PTPN13: variants seen among roughly 807,000 people sequenced by gnomAD.
PTPN13 encodes protein tyrosine phosphatase non-receptor type 13, also known as tyrosine-protein phosphatase non-receptor type 13.
PTPN13 carries 191 observed loss-of-function variants against 284.0 expected under a neutral mutation model. The ratio of observed to expected loss-of-function variants is 0.67; its 90% CI spans 0.60 to 0.76. The LOEUF is 0.76. PTPN13 is among the 30% of genes least tolerant of loss of function. The pLI is 0.00. For missense variants in PTPN13, 2,797 were observed against 2,939.9 expected, an observed-to-expected ratio of 0.95 and a Z score of 1.12; for synonymous variants, 986 against 1,022.3, an observed-to-expected ratio of 0.96 and a Z score of 0.68.
intron 40 of PTPN13, among the ~76,000 whole-genome samples, chr4:86,789,109 A>G (rs992643878): frequency 6.6e-6 from 1 of 152,240 alleles, no homozygotes; most frequent in African/African-American, 2.4e-5. Flanking sequence ...CGAGTAGGGT[A>G]TCACAGGGTG....
intron 41 of PTPN13, among the ~76,000 whole-genome samples, chr4:86,798,612 A>G (rs939899797): frequency 1.3e-5 from 2 of 152,168 alleles, no homozygotes; most frequent in African/African-American, 4.8e-5. Context: ...AAATATTGAG[A>G]ACTTGTACTG....
At chr4:86,805,470 G>A (rs530791621) in intron 44 of PTPN13, 101 bp downstream of exon 44, 2 of 535,918 alleles carry the variant, frequency 3.7e-6, no homozygotes, top group South Asian at 7.8e-5. Flanking sequence ...ATAACCGTGT[G>A]CATGTGCATA....
rs200688335 is a variant in PTPN13, at chr4:86,751,098, A to G, written c.3140A>G (p.Glu1047Gly). The change falls in exon 19 of 48, where the codon GAA becomes GGA. Residue 1047 changes from glutamate to glycine, a missense_variant. Coordinates refer to ENST00000411767, the MANE Select transcript of PTPN13 (RefSeq NM_080683.3). Reference sequence around the variant, plus strand: ...CATGAATCAGACTCCTCATCCATTGAAGACCCTGGGCAAGCATATGTTCTA... The same window carrying G: ...CATGAATCAGACTCCTCATCCATTGGAGACCCTGGGCAAGCATATGTTCTA... ...RKHESDSSSI[E>G]DPGQAYVLGM... 780 of 1,604,552 alleles carry G rather than the reference A, an allele frequency of 4.9e-4. No individual in the cohort carries two copies. The highest frequency in any genetic ancestry group is 5.2e-4 in the Non-Finnish European group (614 of 1,171,682).
At chr4:86,770,672 G>A (rs1411283786) in intron 30 of PTPN13, among the ~76,000 whole-genome samples, 1 of 152,090 alleles carries the variant, frequency 6.6e-6, no homozygotes, top group Non-Finnish European at 1.5e-5. Flanking sequence ...AAACAATTTG[G>A]AAATACTTAA....
chr4:86,679,748 A>G (rs17011985), intron 3 of PTPN13, among the ~76,000 whole-genome samples: 7,607 of 152,262 alleles, frequency 0.05, 262 homozygotes, highest in African/African-American at 0.073. Flanking sequence ...GAGATGGCTG[A>G]ATGAGAGGTA....
chr4:86,660,633 C>T (rs1726379505), intron 2 of PTPN13, among the ~76,000 whole-genome samples: 1 of 152,044 alleles, frequency 6.6e-6, no homozygotes, highest in Non-Finnish European at 1.5e-5. Flanking sequence ...TTAACATGTC[C>T]TTAAGTTAAA....
intron 20 of PTPN13, among the ~76,000 whole-genome samples, chr4:86,757,225 G>A (rs1738085483): frequency 1.3e-5 from 2 of 152,132 alleles, no homozygotes; most frequent in Admixed American, 6.5e-5. Context: ...GTAAATTCTA[G>A]TTCTGATTAT....
intron 35 of PTPN13, among the ~76,000 whole-genome samples, chr4:86,779,893 A>C (rs1486223417): frequency 6.6e-6 from 1 of 152,186 alleles, no homozygotes; most frequent in Non-Finnish European, 1.5e-5. Context: ...ATTTAAAAGA[A>C]AAACACGTAT....
At chr4:86,607,340 T>C (rs772864507) in intron 1 of PTPN13, among the ~76,000 whole-genome samples, 1 of 151,970 alleles carries the variant, frequency 6.6e-6, no homozygotes, top group Non-Finnish European at 1.5e-5. Context: ...TATATACGTG[T>C]ATGCTTATAT....
intron 2 of PTPN13, among the ~76,000 whole-genome samples, chr4:86,639,236 A>C (rs954948524): frequency 1.3e-5 from 2 of 151,942 alleles, no homozygotes; most frequent in Admixed American, 6.6e-5. Context: ...GTGGGACTGT[A>C]AACTAGTTCA....
intron 33 of PTPN13, among the ~76,000 whole-genome samples, chr4:86,774,815 T>A: frequency 6.6e-6 from 1 of 151,882 alleles, no homozygotes; most frequent in East Asian, 1.9e-4. Flanking sequence ...GCTGCACCCA[T>A]TAACTTGTCA....
chr4:86,705,162 C>T (rs931753132), intron 7 of PTPN13, among the ~76,000 whole-genome samples: 6 of 151,796 alleles, frequency 4.0e-5, no homozygotes, highest in East Asian at 1.9e-4. Flanking sequence ...GGTGAAACCC[C>T]ATCTCTACTA....
At chr4:86,613,633 C>CAAAAAAAAAAAAAAAAAAAAAAAAA (rs544971012) in intron 1 of PTPN13, among the ~76,000 whole-genome samples, 4 of 61,530 alleles carry the variant, frequency 6.5e-5, no homozygotes, top group Non-Finnish European at 7.2e-5. Context: ...GACTCCGTCT[C>CAAAAAAAAAAAAAAAAAAAAAAAAA]AAAAAAAAAA....
At position 86,810,993 on chromosome 4, in the gene PTPN13, A is replaced by T. The variant is rs1464808349; in HGVS notation, c.7300-53A>T. ...GCCTCCCCTCTGTGATCCTTTTGAG[A>T]TTCAAATCCAGTTATCCTTTGAATC... On this transcript the variant is annotated intron_variant, in intron 46 of 47. Transcript: ENST00000411767. 4 of 1,541,482 alleles carry T rather than the reference A, an allele frequency of 2.6e-6. No individual in the cohort carries two copies. In the African/African-American group the frequency reaches 5.5e-5, roughly 21 times the overall value.
intron 7 of PTPN13, among the ~76,000 whole-genome samples, 182 bp downstream of exon 7, chr4:86,701,983 T>C (rs1413048547): frequency 6.6e-6 from 1 of 152,196 alleles, no homozygotes; most frequent in Non-Finnish European, 1.5e-5. Context: ...CTAATTGAAA[T>C]ACTCTGCTTC....
At chr4:86,609,005 G>T (rs920771572) in intron 1 of PTPN13, among the ~76,000 whole-genome samples, 3 of 152,078 alleles carry the variant, frequency 2.0e-5, no homozygotes, top group Non-Finnish European at 4.4e-5. Flanking sequence ...AAGTGTCTGA[G>T]GAGAACTACA....
At chr4:86,650,177 G>A (rs1578336232) in intron 2 of PTPN13, among the ~76,000 whole-genome samples, 1 of 151,974 alleles carries the variant, frequency 6.6e-6, no homozygotes, top group Non-Finnish European at 1.5e-5. Context: ...AGTAGAGATG[G>A]GGTTCTGCCA....
Position 86,771,228 on chromosome 4 carries a change from C to A in PTPN13, c.4861C>A (p.Pro1621Thr), listed in dbSNP as rs769424175. ...AAACAGCAGTAAAGACTCTTCTCAG[C>A]CATCATGTGTGGAGCAAAGCACCAG... ...LPNSSKDSSQ[P>T]SCVEQSTSSD... The change falls in exon 31 of 48, where the codon CCA becomes ACA. Residue 1621 changes from proline (P) to threonine (T), a missense_variant. By Grantham distance (38) the Pro-to-Thr change is conservative (BLOSUM62 -1). Transcript: ENST00000411767. 4.8e-5 allele frequency: 77 copies of A among 1,611,392 alleles called. No homozygotes were observed. Among genetic ancestry groups the A allele is most frequent in the Non-Finnish European group, 6.4e-5 (75 of 1,178,872 alleles).
intron 42 of PTPN13, 100 bp from the exon 43 acceptor site, chr4:86,803,609 C>T (rs1005831861): frequency 2.4e-6 from 3 of 1,236,784 alleles, no homozygotes; most frequent in Admixed American, 2.0e-5. Flanking sequence ...AATAAATAGA[C>T]TTTCCCTTTT....
Sources: allele counts gnomAD v4.1 joint callset (sites outside exome capture counted in the v4.1 genomes callset), GRCh38; gene constraint gnomAD v4.1.1; transcripts MANE v1.5; gene names NCBI Gene and HGNC (gene_info 2026-07-23, HGNC 2026-07-21).